AHCYL2: variants seen among roughly 807,000 people sequenced by gnomAD.
AHCYL2 encodes the protein adenosylhomocysteinase like 2, also known as S-adenosylhomocysteine hydrolase-like protein 2.
A neutral mutation model predicts 81.4 loss-of-function variants in AHCYL2; 28 were observed. That is an observed-to-expected ratio of 0.34 (90% CI 0.25 to 0.47). AHCYL2 has a LOEUF of 0.47. Ranked by LOEUF, AHCYL2 falls within the 20% of genes least tolerant of loss-of-function variation. The pLI, the probability that AHCYL2 is intolerant of heterozygous loss-of-function variation, is 1.00. For missense variants in AHCYL2, 551 were observed against 785.1 expected (o/e 0.70, Z 3.56); for synonymous variants, 272 against 290.2 (o/e 0.94, Z 0.64).
intron 1 of AHCYL2, among the ~76,000 whole-genome samples, chr7:129,301,479 A>G (rs572260632): frequency 6.6e-6 from 1 of 152,208 alleles, no homozygotes; most frequent in Non-Finnish European, 1.5e-5. Flanking sequence ...TTCTTTTGGT[A>G]GTTGCATAGT....
chr7:129,420,978 C>T (rs546123692), intron 12 of AHCYL2, among the ~76,000 whole-genome samples: 3 of 152,232 alleles, frequency 2.0e-5, no homozygotes, highest in East Asian at 1.9e-4. Flanking sequence ...GGGCTGGGTG[C>T]GGTGGCTCAC....
intron 1 of AHCYL2, among the ~76,000 whole-genome samples, chr7:129,310,439 C>A (rs1393913074): frequency 1.3e-5 from 2 of 151,952 alleles, no homozygotes; most frequent in African/African-American, 4.8e-5. Context: ...CAATGGACAT[C>A]AACATTTGAG....
chr7:129,382,192 C>G, intron 2 of AHCYL2, among the ~76,000 whole-genome samples: 1 of 152,262 alleles, frequency 6.6e-6, no homozygotes, highest in East Asian at 1.9e-4. Context: ...TCATGTGCAT[C>G]GAATGAAAAG....
At chr7:129,247,296 G>C (rs185300345) in intron 1 of AHCYL2, among the ~76,000 whole-genome samples, 8 of 152,238 alleles carry the variant, frequency 5.3e-5, no homozygotes, top group Admixed American at 5.2e-4. Context: ...ATGTCATTAT[G>C]GTTTTAATTT....
intron 1 of AHCYL2, among the ~76,000 whole-genome samples, chr7:129,250,900 A>C (rs1327467438): frequency 2.0e-5 from 3 of 152,192 alleles, no homozygotes; most frequent in East Asian, 3.8e-4. Context: ...CAAATTACTC[A>C]TCTAAATTTG....
chr7:129,358,093 T>C (rs987141164), intron 1 of AHCYL2, among the ~76,000 whole-genome samples: 1 of 151,704 alleles, frequency 6.6e-6, no homozygotes, highest in African/African-American at 2.4e-5. Context: ...TGGAATATTA[T>C]TCAGCTTTAA....
chr7:129,273,447 A>C (rs929762441), intron 1 of AHCYL2, among the ~76,000 whole-genome samples: 2 of 144,264 alleles, frequency 1.4e-5, no homozygotes, highest in East Asian at 2.0e-4. Flanking sequence ...TCCTGCCTCA[A>C]CCTCCCTAGT....
At chr7:129,255,176 G>A (rs1160761765) in intron 1 of AHCYL2, among the ~76,000 whole-genome samples, 5 of 151,930 alleles carry the variant, frequency 3.3e-5, no homozygotes, top group East Asian at 1.9e-4. Context: ...CAGGAGAATC[G>A]CTTGAACCTG....
At chr7:129,262,019 T>G (rs1484348428) in intron 1 of AHCYL2, among the ~76,000 whole-genome samples, 4 of 152,038 alleles carry the variant, frequency 2.6e-5, no homozygotes, top group Non-Finnish European at 5.9e-5. Flanking sequence ...GTCTCATATT[T>G]TTGCATATAA....
intron 1 of AHCYL2, among the ~76,000 whole-genome samples, chr7:129,306,868 C>T (rs1169934679): frequency 6.6e-6 from 1 of 152,172 alleles, no homozygotes; most frequent in Non-Finnish European, 1.5e-5. Flanking sequence ...GGTATCACCT[C>T]GATGGTCTTG....
intron 1 of AHCYL2, among the ~76,000 whole-genome samples, chr7:129,292,176 A>G (rs1319639879): frequency 6.6e-6 from 1 of 152,156 alleles, no homozygotes; most frequent in Non-Finnish European, 1.5e-5. Flanking sequence ...TTTCCCTTTG[A>G]TTAGATAATT....
chr7:129,267,505 A>G (rs1307481978), intron 1 of AHCYL2, among the ~76,000 whole-genome samples: 5 of 151,946 alleles, frequency 3.3e-5, no homozygotes, highest in Non-Finnish European at 7.4e-5. Flanking sequence ...GGGTTTCTCC[A>G]TGTTGTCCAA....
At chr7:129,373,599 CAAA>C (rs113448711) in intron 1 of AHCYL2, among the ~76,000 whole-genome samples, 1 of 138,892 alleles carries the variant, frequency 7.2e-6, no homozygotes, top group Admixed American at 7.3e-5. Flanking sequence ...GACTCAGTCT[CAAA>C]AAAAAAAACC....
intron 2 of AHCYL2, among the ~76,000 whole-genome samples, chr7:129,386,462 C>CA (rs574468187): frequency 0.019 from 2,390 of 124,148 alleles, 42 homozygotes; most frequent in African/African-American, 0.053. Context: ...GACCCTGGCT[C>CA]AAAAAAAAAA....
rs1796587847 is a variant in AHCYL2 at position 129,411,716 on chromosome 7, G to A, written c.1367-1878G>A. On this transcript the variant is annotated intron_variant, in intron 11 of 16. Transcript: ENST00000325006. Reference sequence around the variant, plus strand: ...GGAGGTTGCAGTGAGCCAAGATTGTGCCATTGCACTCCAGCCTGGGCAACA... The same window carrying A: ...GGAGGTTGCAGTGAGCCAAGATTGTACCATTGCACTCCAGCCTGGGCAACA... Among the ~76,000 whole-genome samples, 4 of 147,684 alleles carry A rather than the reference G, an allele frequency of 2.7e-5. No homozygotes were observed. The South Asian group carries it at 8.5e-4, about 31-fold the overall frequency.
chr7:129,384,265 A>G (rs1331650969), intron 2 of AHCYL2, among the ~76,000 whole-genome samples: 1 of 149,058 alleles, frequency 6.7e-6, no homozygotes, highest in Non-Finnish European at 1.5e-5. Context: ...TGTTGCTAAT[A>G]TGTTTTGCTA....
intron 1 of AHCYL2, among the ~76,000 whole-genome samples, chr7:129,285,065 C>T (rs977023555): frequency 2.6e-5 from 4 of 152,176 alleles, no homozygotes; most frequent in African/African-American, 9.6e-5. Flanking sequence ...GTTAATAAGG[C>T]TGGGACAGCC....
intron 1 of AHCYL2, among the ~76,000 whole-genome samples, chr7:129,267,516 G>A (rs1299307354): frequency 2.6e-5 from 4 of 151,996 alleles, no homozygotes; most frequent in Admixed American, 2.6e-4. Flanking sequence ...TGTTGTCCAA[G>A]CTGGTCTCGA....
intron 1 of AHCYL2, among the ~76,000 whole-genome samples, chr7:129,364,272 TAAA>T (rs1175063887): frequency 6.6e-6 from 1 of 152,324 alleles, no homozygotes; most frequent in Non-Finnish European, 1.5e-5. Flanking sequence ...TCTTTTACCT[TAAA>T]AACATTTTTT....
Sources: allele counts gnomAD v4.1 joint callset (sites outside exome capture counted in the v4.1 genomes callset), GRCh38; gene constraint gnomAD v4.1.1; transcripts MANE v1.5; gene names NCBI Gene and HGNC (gene_info 2026-07-23, HGNC 2026-07-21).